The following ARMH4 variants were observed in gnomAD, a reference collection of about 807,000 sequenced individuals.
ARMH4 encodes armadillo-like helical domain-containing protein 4.
ARMH4 carries 49 observed loss-of-function variants against 61.9 expected under a neutral mutation model. That is an observed-to-expected ratio of 0.79 (90% CI 0.63 to 1.00). The LOEUF is 1.00. Among genes scored for constraint, ARMH4 ranks in the 50% least tolerant of loss-of-function variants. The pLI is 0.00. For synonymous variants in ARMH4, 368 were observed against 341.5 expected (o/e 1.08, Z -0.85); for missense variants, 934 against 930.0 (o/e 1.00, Z -0.06).
At chr14:58,014,296 C>T (rs1485785425) in intron 5 of ARMH4, among the ~76,000 whole-genome samples, 1 of 152,046 alleles carries the variant, frequency 6.6e-6, no homozygotes, top group Non-Finnish European at 1.5e-5. Flanking sequence ...GGTGATCAAT[C>T]AGGATAAGAG....
chr14:58,014,336 G>C (rs1333358323), intron 5 of ARMH4, among the ~76,000 whole-genome samples: 1 of 152,136 alleles, frequency 6.6e-6, no homozygotes, highest in African/African-American at 2.4e-5. Flanking sequence ...GAAGAAGAAA[G>C]CCTAGGAACC....
chr14:58,072,615 A>T (rs548810893), intron 5 of ARMH4, among the ~76,000 whole-genome samples: 1 of 152,104 alleles, frequency 6.6e-6, no homozygotes, highest in South Asian at 2.1e-4. Context: ...CCAGCTACTC[A>T]GGAGGTTGAG....
chr14:58,131,478 G>A, intron 4 of ARMH4, 34 bp downstream of exon 4: 1 of 1,553,040 alleles, frequency 6.4e-7, no homozygotes, highest in East Asian at 2.2e-5. Flanking sequence ...CACTCAACCA[G>A]TCCTTGAAAA....
rs1193045101 is a variant in ARMH4 at position 58,034,523 on chromosome 14, A to G, written c.2090-22373T>C. 4.9e-5 allele frequency among the ~76,000 whole-genome samples: 6 copies of G among 121,310 alleles called. 1 individual carries two copies. The highest frequency in any genetic ancestry group is 1.3e-4 in the African/African-American group (4 of 31,982). 79.6% of individuals were successfully genotyped at this position (121,310 alleles called of 152,430 possible). The stretch of plus-strand genomic sequence containing the variant: ...ACAAGCAAAATCACCACCTAACATC[A>G]TAATGACAGGATCAAATTCACACAT... On this transcript the variant is annotated intron_variant, in intron 5 of 7. Transcript: ENST00000267485.
intron 4 of ARMH4, chr14:58,131,297 C>T: frequency 2.1e-6 from 1 of 480,304 alleles, no homozygotes; most frequent in East Asian, 3.3e-5. Context: ...CTTCTTTTGA[C>T]TTTTTTTTTC....
At chr14:58,097,779 C>G (rs1482143406) in intron 4 of ARMH4, among the ~76,000 whole-genome samples, 6 of 151,460 alleles carry the variant, frequency 4.0e-5, no homozygotes, top group Middle Eastern at 3.4e-3. Context: ...GATCATGGTT[C>G]ACCACAGTCT....
At chr14:58,005,277 T>C in intron 6 of ARMH4, 95 bp from the exon 7 acceptor site, 1 of 1,487,866 alleles carries the variant, frequency 6.7e-7, no homozygotes, top group Non-Finnish European at 9.2e-7. Flanking sequence ...TTTTAGACAC[T>C]TTGAATTCTC....
At chr14:58,148,512 G>T (rs1020538183) in intron 1 of ARMH4, among the ~76,000 whole-genome samples, 4 of 152,126 alleles carry the variant, frequency 2.6e-5, no homozygotes, top group Non-Finnish European at 4.4e-5. Context: ...CCTCAAATGA[G>T]ATTATGTTCT....
intron 4 of ARMH4, among the ~76,000 whole-genome samples, chr14:58,111,910 C>T (rs1250646056): frequency 6.6e-6 from 1 of 152,026 alleles, no homozygotes; most frequent in Non-Finnish European, 1.5e-5. Context: ...CCAGGCTGGT[C>T]TCAAACTCCT....
intron 5 of ARMH4, among the ~76,000 whole-genome samples, chr14:58,043,501 C>A (rs558366996): frequency 6.6e-6 from 1 of 152,172 alleles, no homozygotes; most frequent in Non-Finnish European, 1.5e-5. Context: ...CAATATCATA[C>A]TGAATGGGCA....
chr14:58,073,122 T>C (rs949046408), intron 5 of ARMH4, among the ~76,000 whole-genome samples: 1 of 152,146 alleles, frequency 6.6e-6, no homozygotes, highest in Non-Finnish European at 1.5e-5. Context: ...TATGTCTATA[T>C]TTGGCTTCAT....
chr14:58,027,600 A>G lies in ARMH4; in HGVS notation c.2090-15450T>C, dbSNP rs115588927. Among the ~76,000 whole-genome samples the G allele has an allele frequency of 7.9e-3, 1,204 of 152,018 alleles. 14 individuals carry two copies. Among genetic ancestry groups the G allele is most frequent in the African/African-American group, 0.027 (1,123 of 41,468 alleles). ...AGGTAAACATGATCACCACAATCAA[A>G]CTAATTAACATATCTATTAACATCT... On this transcript the variant is annotated intron_variant, in intron 5 of 7. Coordinates refer to ENST00000267485, the MANE Select transcript of ARMH4 (RefSeq NM_001001872.4).
At chr14:58,088,456 GAA>G (rs201441722) in intron 5 of ARMH4, among the ~76,000 whole-genome samples, 6 of 140,352 alleles carry the variant, frequency 4.3e-5, no homozygotes, top group Admixed American at 7.2e-5. Context: ...TAGCTAATGT[GAA>G]AAAAAAAAAA....
chr14:58,005,027 T>G, intron 7 of ARMH4, 21 bp downstream of exon 7: 1 of 1,613,858 alleles, frequency 6.2e-7, no homozygotes, highest in Non-Finnish European at 8.5e-7. Context: ...TGATTAGGTT[T>G]TGCTGTTGTT....
At chr14:58,044,403 G>A (rs182463079) in intron 5 of ARMH4, among the ~76,000 whole-genome samples, 1 of 152,170 alleles carries the variant, frequency 6.6e-6, no homozygotes, top group Non-Finnish European at 1.5e-5. Flanking sequence ...GGGAAAACTG[G>A]CTAGCCATAT....
intron 4 of ARMH4, among the ~76,000 whole-genome samples, chr14:58,102,781 G>A (rs1346780100): frequency 2.5e-4 from 33 of 130,502 alleles, no homozygotes; most frequent in Non-Finnish European, 3.9e-4. Context: ...ACTGCAGTCC[G>A]CAGTCCGGCC....
At chr14:58,045,986 C>G (rs911125353) in intron 5 of ARMH4, among the ~76,000 whole-genome samples, 1 of 152,164 alleles carries the variant, frequency 6.6e-6, no homozygotes, top group African/African-American at 2.4e-5. Flanking sequence ...ACAGGCTCTC[C>G]CTCAGCCTCA....
chr14:58,093,755 A>G (rs1885653647), intron 5 of ARMH4, among the ~76,000 whole-genome samples: 1 of 152,144 alleles, frequency 6.6e-6, no homozygotes. Context: ...TTGGTGGGCT[A>G]ATAAAATTCT....
At chr14:58,142,567 G>A (rs1194233802) in intron 1 of ARMH4, among the ~76,000 whole-genome samples, 3 of 151,594 alleles carry the variant, frequency 2.0e-5, no homozygotes, top group African/African-American at 4.9e-5. Context: ...TGCAACCTCC[G>A]CCTCTTGAGT....
Sources: allele counts gnomAD v4.1 joint callset (sites outside exome capture counted in the v4.1 genomes callset), GRCh38; gene constraint gnomAD v4.1.1; transcripts MANE v1.5; gene names NCBI Gene and HGNC (gene_info 2026-07-23, HGNC 2026-07-21).